Variants in INO80 observed in about 807,000 individuals in gnomAD.
The protein encoded by INO80 is INO80 complex ATPase subunit, also known as chromatin-remodeling ATPase INO80.
In INO80, 20 loss-of-function variants were observed where a neutral mutation model predicts 203.4. That is an observed-to-expected ratio of 0.10 (90% CI 0.07 to 0.14). The LOEUF is 0.14. Ranked by LOEUF, INO80 falls within the 10% of genes least tolerant of loss-of-function variation. The pLI is 1.00. For synonymous variants in INO80, 726 were observed against 685.2 expected, an observed-to-expected ratio of 1.06 and a Z score of -0.93; for missense variants, 1,419 against 1,914.4, an observed-to-expected ratio of 0.74 and a Z score of 4.83.
In INO80 at chr15:41,025,992, G is replaced by A. The variant is rs141141302; in HGVS notation, c.3048+1604C>T. Among the ~76,000 whole-genome samples the A allele has an allele frequency of 6.8e-4, 104 of 152,268 alleles. 1 individual carries two copies. Among genetic ancestry groups the A allele is most frequent in the African/African-American group, 2.4e-3 (98 of 41,550 alleles). The stretch of plus-strand genomic sequence containing the variant: ...AGACCAAGAATACTTTGGAAGAACA[G>A]GATATGTACAAAATCCAAATACTTT... On this transcript the variant is annotated intron_variant, in intron 25 of 35. Coordinates refer to ENST00000648947, the MANE Select transcript of INO80 (RefSeq NM_017553.3).
Position 40,999,620 on chromosome 15 carries a change from C to T in INO80, c.3498-2019G>A, listed in dbSNP as rs55991814. Among the ~76,000 whole-genome samples the T allele has an allele frequency of 3.3e-5, 5 of 152,196 alleles. No individual in the cohort carries two copies. The East Asian group carries it at 7.7e-4, about 23-fold the overall frequency. Reference sequence around the variant, plus strand: ...AATTTTATCACAAAGGTTAATATTTCGTAATTGTATTTATTTAATTCATAA... The same window carrying T: ...AATTTTATCACAAAGGTTAATATTTTGTAATTGTATTTATTTAATTCATAA... On this transcript the variant is annotated intron_variant, in intron 28 of 35. Coordinates refer to ENST00000648947, the MANE Select transcript of INO80 (RefSeq NM_017553.3).
intron 7 of INO80, 58 bp downstream of exon 7, chr15:41,085,311 A>G (rs950950522): frequency 4.2e-6 from 6 of 1,418,534 alleles, no homozygotes; most frequent in Non-Finnish European, 6.0e-6. Context: ...GTTCCTCTTT[A>G]GTGGGTGGGG....
intron 24 of INO80, among the ~76,000 whole-genome samples, chr15:41,037,285 A>G (rs1459460355): frequency 6.6e-6 from 1 of 151,992 alleles, no homozygotes; most frequent in Non-Finnish European, 1.5e-5. Context: ...GAGGTGGGAA[A>G]CTACCTGAGG....
intron 8 of INO80, among the ~76,000 whole-genome samples, chr15:41,080,766 C>T (rs974649881): frequency 1.3e-5 from 2 of 152,210 alleles, no homozygotes; most frequent in South Asian, 2.1e-4. Flanking sequence ...ATGGGAGAAT[C>T]GCTTGAACCT....
intron 1 of INO80, among the ~76,000 whole-genome samples, chr15:41,106,724 G>A (rs2045885624): frequency 6.6e-6 from 1 of 152,162 alleles, no homozygotes; most frequent in African/African-American, 2.4e-5. Context: ...ATATATTTGT[G>A]TATATTAACT....
At chr15:41,068,948 A>G (rs955051697) in intron 14 of INO80, among the ~76,000 whole-genome samples, 7 of 152,174 alleles carry the variant, frequency 4.6e-5, no homozygotes, top group Non-Finnish European at 8.8e-5. Flanking sequence ...GCCGTAAATG[A>G]TAGGATGTGT....
chr15:41,083,747 T>A (rs1171225273), intron 7 of INO80, among the ~76,000 whole-genome samples: 2 of 151,096 alleles, frequency 1.3e-5, no homozygotes, highest in African/African-American at 4.9e-5. Context: ...AAACACACTA[T>A]AACCTCCATA....
At chr15:41,082,721 T>A (rs897394803) in intron 7 of INO80, among the ~76,000 whole-genome samples, 3 of 151,092 alleles carry the variant, frequency 2.0e-5, no homozygotes, top group Non-Finnish European at 3.0e-5. Context: ...CAAAAAAAAA[T>A]TAAATAAACA....
intron 17 of INO80, among the ~76,000 whole-genome samples, chr15:41,056,209 T>C (rs1378927523): frequency 6.6e-6 from 1 of 151,958 alleles, no homozygotes; most frequent in Admixed American, 6.6e-5. Flanking sequence ...ACCTCCCAAG[T>C]TGTTGGGATT....
intron 25 of INO80, chr15:41,023,300 T>C (rs1056322238): frequency 2.2e-6 from 1 of 455,876 alleles, no homozygotes; most frequent in Non-Finnish European, 4.4e-6. Context: ...TCCCAGCAGA[T>C]CGTGGGTCAG....
intron 24 of INO80, among the ~76,000 whole-genome samples, chr15:41,043,241 T>C (rs2044699429): frequency 6.6e-6 from 1 of 152,216 alleles, no homozygotes; most frequent in South Asian, 2.1e-4. Context: ...AGAATGGTGC[T>C]TTTTGTATAA....
intron 18 of INO80, among the ~76,000 whole-genome samples, chr15:41,054,813 G>A (rs1328092182): frequency 1.3e-5 from 2 of 151,978 alleles, no homozygotes; most frequent in Admixed American, 6.6e-5. Context: ...TAATTTTTGC[G>A]TTTTTGTAGA....
chr15:41,033,003 A>C (rs1199328139), intron 24 of INO80, among the ~76,000 whole-genome samples: 4 of 152,140 alleles, frequency 2.6e-5, no homozygotes, highest in Non-Finnish European at 5.9e-5. Flanking sequence ...ACACCATTGC[A>C]CTCCAGCCTG....
At chr15:41,085,888 C>A (rs1274550953) in intron 6 of INO80, among the ~76,000 whole-genome samples, 5 of 152,134 alleles carry the variant, frequency 3.3e-5, no homozygotes, top group African/African-American at 1.2e-4. Flanking sequence ...GAGACGGAGC[C>A]TCGCCCTGTC....
intron 5 of INO80, 57 bp from the exon 6 acceptor site, chr15:41,087,739 C>T (rs2045582674): frequency 6.5e-6 from 10 of 1,547,934 alleles, no homozygotes; most frequent in Non-Finnish European, 1.7e-6. Flanking sequence ...TTTCAAATTA[C>T]CTTTACTACA....
intron 24 of INO80, among the ~76,000 whole-genome samples, chr15:41,043,820 T>C (rs2044708627): frequency 6.6e-6 from 1 of 152,174 alleles, no homozygotes; most frequent in Non-Finnish European, 1.5e-5. Context: ...GACCTGGACC[T>C]ACATCTATAA....
intron 24 of INO80, among the ~76,000 whole-genome samples, chr15:41,041,032 C>T (rs933612143): frequency 6.6e-6 from 1 of 152,126 alleles, no homozygotes; most frequent in African/African-American, 2.4e-5. Flanking sequence ...CACCACTACC[C>T]AACAAAGTTT....
chr15:41,018,967 C>G (rs1307524318), intron 26 of INO80: 2 of 152,230 alleles, frequency 1.3e-5, no homozygotes, highest in Admixed American at 1.3e-4. Flanking sequence ...ACAAACCTAT[C>G]CTACTCTCTT....
chr15:41,032,996 C>A (rs902070632), intron 24 of INO80, among the ~76,000 whole-genome samples: 1 of 152,086 alleles, frequency 6.6e-6, no homozygotes, highest in Non-Finnish European at 1.5e-5. Flanking sequence ...CAAGACCACA[C>A]CATTGCACTC....
Sources: allele counts gnomAD v4.1 joint callset (sites outside exome capture counted in the v4.1 genomes callset), GRCh38; gene constraint gnomAD v4.1.1; transcripts MANE v1.5; gene names NCBI Gene and HGNC (gene_info 2026-07-23, HGNC 2026-07-21).